The following INSR variants were observed in gnomAD, a reference collection of about 807,000 sequenced individuals.
INSR encodes the protein insulin receptor, also known as IR.
INSR carries 67 observed loss-of-function variants against 142.6 expected under a neutral mutation model. That is an observed-to-expected ratio of 0.47 (90% confidence interval 0.39 to 0.58). The LOEUF (loss-of-function observed/expected upper bound fraction) is 0.58, where lower values mean the gene tolerates loss of function less well. Ranked by LOEUF, INSR falls within the 20% of genes least tolerant of loss-of-function variation. The pLI, the probability that INSR is intolerant of heterozygous loss-of-function variation, is 0.00. For synonymous variants in INSR, 756 were observed against 743.1 expected, an observed-to-expected ratio of 1.02 and a Z score of -0.28; for missense variants, 1,248 against 1,833.2, an observed-to-expected ratio of 0.68 and a Z score of 5.83.
chr19:7,156,052 CTTTTT>C (rs147889782), intron 9 of INSR, among the ~76,000 whole-genome samples: 2 of 67,342 alleles, frequency 3.0e-5, no homozygotes, highest in African/African-American at 1.3e-4. Flanking sequence ...ATATGGAATT[CTTTTT>C]TTTTTTTTTT....
At chr19:7,172,586 T>C (rs1420742527) in intron 4 of INSR, 152 bp from the exon 5 acceptor site, 15 of 865,440 alleles carry the variant, frequency 1.7e-5, no homozygotes, top group Non-Finnish European at 2.3e-5. Context: ...CTGAAGTCCT[T>C]AGCATTCCTT....
intron 8 of INSR, among the ~76,000 whole-genome samples, chr19:7,165,143 A>C (rs1568458960): frequency 6.6e-6 from 1 of 151,166 alleles, no homozygotes; most frequent in African/African-American, 2.4e-5. Context: ...AAAACAAAAC[A>C]AAACAAAAAT....
In INSR at chr19:7,150,551, C is replaced by A. The variant is rs769791409; in HGVS notation, c.2232-19G>T. On this transcript the variant is annotated intron_variant, in intron 10 of 21. Transcript: ENST00000302850. The surrounding 1 kb of genome is among the most constrained non-coding windows in gnomAD (Gnocchi z 4.2). ...GGTTTTTCTGTGGAAACAAAACCAA[C>A]GCCTTTGAGGACAGAGGGAACTTCA... 1.6e-5 allele frequency: 26 copies of A among 1,613,714 alleles called. No homozygotes were observed. Among genetic ancestry groups the A allele is most frequent in the Non-Finnish European group, 1.7e-6 (2 of 1,179,780 alleles).
At chr19:7,182,270 G>C (rs1417439511) in intron 3 of INSR, among the ~76,000 whole-genome samples, 1 of 152,100 alleles carries the variant, frequency 6.6e-6, no homozygotes, top group African/African-American at 2.4e-5. Context: ...GGGAGGCTGA[G>C]TTGCAGTGAG....
In INSR at chr19:7,116,767, TG is replaced by T. The variant is rs35434645; in HGVS notation, c.*288del. ...TTTCTTTCCATCTGCTGGGGGCGGG[TG>T]GGGGGAACGAAAAAACACAAAATCC... is the stretch of plus-strand genomic sequence containing the variant. On this transcript the variant is annotated 3_prime_UTR_variant, in exon 22 of 22. Transcript: ENST00000302850. 119,034 of 227,224 alleles carry T rather than the reference TG, an allele frequency of 0.52. 29,929 individuals carry two copies. Among genetic ancestry groups the T allele is most frequent in the Admixed American group, 0.64 (10,372 of 16,176 alleles). 14.1% of individuals were successfully genotyped at this position (227,224 alleles called of 1,614,324 possible).
chr19:7,157,908 A>AT (rs1345847365), intron 9 of INSR, among the ~76,000 whole-genome samples: 1 of 151,922 alleles, frequency 6.6e-6, no homozygotes, highest in Non-Finnish European at 1.5e-5. Context: ...TTAAAAGCCT[A>AT]TGAGAGACTG....
At position 7,122,788 on chromosome 19, in the gene INSR, CG is replaced by C; in HGVS notation, c.3370-16del. The stretch of plus-strand genomic sequence containing the variant: ...CCAGGATTATTCTAAAACAGAAACA[CG>C]GGGTTGGTGTTTCAGCAGCACTGGG... On this transcript the variant is annotated splice_polypyrimidine_tract_variant and intron_variant, in intron 18 of 21. Coordinates refer to ENST00000302850, the MANE Select transcript of INSR (RefSeq NM_000208.4). 4 of 1,614,118 alleles carry C rather than the reference CG, an allele frequency of 2.5e-6. No individual in the cohort carries two copies. Among genetic ancestry groups the C allele is most frequent in the African/African-American group, 1.3e-5 (1 of 75,052 alleles).
intron 1 of INSR, among the ~76,000 whole-genome samples, chr19:7,284,790 A>G (rs965499633): frequency 1.3e-5 from 2 of 152,182 alleles, no homozygotes; most frequent in African/African-American, 4.8e-5. Context: ...GGACTCCCAA[A>G]GCGCTGGGCA....
rs1187200921 is a variant in INSR at position 7,125,746 on chromosome 19, G to A, written c.3014-219C>T. Reference sequence around the variant, plus strand: ...GAGACTCAAGGAAGGAGCCACAACTGGTCCAAGATCCTGGCCAATATGTCC... The same window carrying A: ...GAGACTCAAGGAAGGAGCCACAACTAGTCCAAGATCCTGGCCAATATGTCC... On this transcript the variant is annotated intron_variant, in intron 16 of 21. Coordinates refer to ENST00000302850, the MANE Select transcript of INSR (RefSeq NM_000208.4). The surrounding 1 kb of genome is among the most constrained non-coding windows in gnomAD (Gnocchi z 4.9). Among the ~76,000 whole-genome samples, 1 of 152,122 alleles carries A rather than the reference G, an allele frequency of 6.6e-6. No individual in the cohort carries two copies. The highest frequency in any genetic ancestry group is 1.5e-5 in the Non-Finnish European group (1 of 68,028).
Position 7,192,691 on chromosome 19 carries a change from C to T in INSR, c.653-8054G>A, listed in dbSNP as rs1277807113. Reference sequence around the variant, plus strand: ...CTGCTGTGTATGTAGGGAACATCTACCCAGACCTCCCCTCTCCAAAAATGC... The same window carrying T: ...CTGCTGTGTATGTAGGGAACATCTATCCAGACCTCCCCTCTCCAAAAATGC... On this transcript the variant is annotated intron_variant, in intron 2 of 21. Transcript: ENST00000302850. This position sits in a 1 kb window ranked among gnomAD's most constrained non-coding sequence, Gnocchi z 4.2. Among the ~76,000 whole-genome samples the T allele has an allele frequency of 6.6e-6, 1 of 152,182 alleles. No homozygotes were observed. Among genetic ancestry groups the T allele is most frequent in the Non-Finnish European group, 1.5e-5 (1 of 68,040 alleles).
At chr19:7,239,482 T>C (rs1414265271) in intron 2 of INSR, among the ~76,000 whole-genome samples, 1 of 152,106 alleles carries the variant, frequency 6.6e-6, no homozygotes, top group Non-Finnish European at 1.5e-5. Flanking sequence ...ATTTGACATA[T>C]ACCTTAATGC....
chr19:7,227,299 G>A (rs1386040146), intron 2 of INSR, among the ~76,000 whole-genome samples: 5 of 151,190 alleles, frequency 3.3e-5, no homozygotes, highest in Admixed American at 2.6e-4. Flanking sequence ...TAAAGACAGG[G>A]TCTGGCTCTG....
chr19:7,234,358 C>T (rs1164591714), intron 2 of INSR, among the ~76,000 whole-genome samples: 1 of 152,080 alleles, frequency 6.6e-6, no homozygotes. Context: ...AGGCACATGC[C>T]ACTACACCCA....
rs538679250 is a variant in INSR, at chr19:7,287,138, C to T, written c.100+6654G>A. Among the ~76,000 whole-genome samples, 3 of 151,224 alleles carry T rather than the reference C, an allele frequency of 2.0e-5. No individual in the cohort carries two copies. In the Admixed American group the frequency reaches 2.0e-4, roughly 10 times the overall value. On this transcript the variant is annotated intron_variant, in intron 1 of 21. Coordinates refer to ENST00000302850, the MANE Select transcript of INSR (RefSeq NM_000208.4). ...GTGCTGGGATTGCAGGCATGAGCCA[C>T]TGCACCTGGCCAAAAATATTCTTTT... is the stretch of plus-strand genomic sequence containing the variant.
intron 2 of INSR, among the ~76,000 whole-genome samples, chr19:7,207,948 G>GGGAGGGAGGGAGGGAA (rs1975159886): frequency 8.1e-6 from 1 of 124,102 alleles, no homozygotes. Context: ...AAGGGAAGGA[G>GGGAGGGAGGGAGGGAA]GGAGGGAGGG....
intron 13 of INSR, among the ~76,000 whole-genome samples, chr19:7,139,906 C>A (rs544159551): frequency 1.4e-5 from 2 of 142,732 alleles, no homozygotes; most frequent in South Asian, 4.4e-4. Context: ...TCACTGCAAC[C>A]TTTGCGTCCC....
intron 2 of INSR, among the ~76,000 whole-genome samples, chr19:7,196,389 G>A (rs1304976984): frequency 3.3e-5 from 5 of 151,906 alleles, no homozygotes; most frequent in African/African-American, 4.8e-5. Flanking sequence ...AGAATAAAAC[G>A]TAAACAATTG....
intron 2 of INSR, among the ~76,000 whole-genome samples, chr19:7,250,145 C>G (rs972783624): frequency 2.7e-5 from 4 of 149,002 alleles, no homozygotes; most frequent in Non-Finnish European, 5.9e-5. Flanking sequence ...GGTGACAGAG[C>G]AAGACCCTGT....
chr19:7,201,598 C>A (rs1974954623), intron 2 of INSR, among the ~76,000 whole-genome samples: 1 of 151,534 alleles, frequency 6.6e-6, no homozygotes, highest in Admixed American at 6.6e-5. Flanking sequence ...GCACTCCAGC[C>A]TGGGCGACCA....
Sources: gnomAD v4.1 joint callset for allele counts (sites outside exome capture counted in the v4.1 genomes callset) on GRCh38, gnomAD v4.1.1 for gene constraint, Gnocchi (gnomAD v3.1) non-coding constraint, MANE v1.5 for transcripts, NCBI Gene and HGNC (gene_info 2026-07-23, HGNC 2026-07-21) for gene names.